Variants in PSMD6 observed in about 807,000 individuals in gnomAD.
The protein encoded by PSMD6 is proteasome 26S subunit, non-ATPase 6, also known as 26S proteasome non-ATPase regulatory subunit 6.
Under a neutral mutation model 44.9 loss-of-function variants are expected in PSMD6, and 7 were observed. The ratio of observed to expected loss-of-function variants is 0.16; its 90% CI spans 0.09 to 0.29. PSMD6 has a LOEUF of 0.29. Among genes scored for constraint, PSMD6 ranks in the 10% least tolerant of loss-of-function variants. PSMD6 has a pLI of 1.00. For missense variants in PSMD6, 420 were observed against 482.6 expected (o/e 0.87, Z 1.21); for synonymous variants, 184 against 172.7 (o/e 1.07, Z -0.51).
intron 2 of PSMD6, among the ~76,000 whole-genome samples, chr3:64,021,680 G>A (rs966136527): frequency 3.3e-5 from 5 of 152,042 alleles, no homozygotes; most frequent in East Asian, 3.9e-4. Flanking sequence ...GTGTGGTGGC[G>A]CACGCCTGTA....
At chr3:64,023,027 G>A in intron 1 of PSMD6, 1 of 1,424,850 alleles carries the variant, frequency 7.0e-7, no homozygotes, top group Non-Finnish European at 9.1e-7. Flanking sequence ...AATGCCTCAC[G>A]ATTCTCCCCC....
At chr3:64,019,223 C>T in intron 3 of PSMD6, 73 bp downstream of exon 3, 1 of 1,494,118 alleles carries the variant, frequency 6.7e-7, no homozygotes, top group Non-Finnish European at 9.2e-7. Context: ...ACAAAACAGG[C>T]AGTTTCTTAT....
intron 2 of PSMD6, 108 bp downstream of exon 2, chr3:64,022,210 T>C: frequency 1.6e-6 from 2 of 1,242,306 alleles, no homozygotes; most frequent in Non-Finnish European, 2.3e-6. Flanking sequence ...ATTACCTTTA[T>C]ACTTTTTCTA....
chr3:64,012,598 A>G (rs1576024610), intron 6 of PSMD6: 1 of 152,188 alleles, frequency 6.6e-6, no homozygotes, highest in African/African-American at 2.4e-5. Flanking sequence ...ACAAATCATT[A>G]CCTACCTAAC....
At chr3:64,017,978 G>C (rs577824795) in intron 5 of PSMD6, among the ~76,000 whole-genome samples, 36 of 152,226 alleles carry the variant, frequency 2.4e-4, no homozygotes, top group African/African-American at 8.4e-4. Context: ...GGGACAAGAG[G>C]GAGAAACAAG....
At chr3:64,011,492 CTT>C (rs1463582907) in intron 6 of PSMD6, 1 of 148,404 alleles carries the variant, frequency 6.7e-6, no homozygotes, top group African/African-American at 2.6e-5. Flanking sequence ...TAAAATGTAA[CTT>C]TTTAAGGGAG....
chr3:64,018,327 G>T, intron 5 of PSMD6: 1 of 251,276 alleles, frequency 4.0e-6, no homozygotes, highest in Non-Finnish European at 7.8e-6. Flanking sequence ...TTTAGGCTTT[G>T]CAAGCTACAT....
chr3:64,019,664 C>A, intron 2 of PSMD6: 1 of 445,202 alleles, frequency 2.2e-6, no homozygotes, highest in Non-Finnish European at 3.9e-6. Flanking sequence ...ATAAGAAATG[C>A]CCAAGCATAT....
At chr3:64,011,018 G>T (rs994659030) in intron 6 of PSMD6, 63 bp from the exon 7 acceptor site, 4 of 1,335,188 alleles carry the variant, frequency 3.0e-6, no homozygotes, top group Non-Finnish European at 4.2e-6. Flanking sequence ...AAATGCAAAC[G>T]GCATTAAAAT....
At chr3:64,017,795 A>G (rs574377634) in intron 5 of PSMD6, 2 of 152,248 alleles carry the variant, frequency 1.3e-5, no homozygotes, top group Non-Finnish European at 2.9e-5. Flanking sequence ...CTTTTCTCCA[A>G]AGCTATCTAT....
chr3:64,018,469 C>A, intron 5 of PSMD6, 130 bp downstream of exon 5: 1 of 669,862 alleles, frequency 1.5e-6, no homozygotes, highest in Non-Finnish European at 2.5e-6. Flanking sequence ...ATTAGGAATA[C>A]TGATCAAAGA....
chr3:64,013,740 T>C (rs1489000195), intron 5 of PSMD6, 133 bp from the exon 6 acceptor site: 15 of 760,598 alleles, frequency 2.0e-5, no homozygotes, highest in Non-Finnish European at 2.9e-5. Flanking sequence ...CCCTTCCACA[T>C]CATGTCATCA....
At chr3:64,011,724 T>TGTCATCAA (rs2075957517) in intron 6 of PSMD6, 1 of 152,186 alleles carries the variant, frequency 6.6e-6, no homozygotes, top group South Asian at 2.1e-4. Flanking sequence ...TGCATTCACT[T>TGTCATCAA]GTCATCAAGA....
upstream of PSMD6, chr3:64,023,568 T>C: frequency 7.1e-7 from 1 of 1,416,000 alleles, no homozygotes; most frequent in South Asian, 1.6e-5. Flanking sequence ...GCTGGACACC[T>C]CCGGGAACGC....
At chr3:64,019,760 T>G in intron 2 of PSMD6, 1 of 233,796 alleles carries the variant, frequency 4.3e-6, no homozygotes. Context: ...ATGTTTTCTC[T>G]CATAATCACA....
intron 1 of PSMD6, 190 bp downstream of exon 1, chr3:64,023,085 T>C: frequency 2.1e-6 from 3 of 1,426,760 alleles, no homozygotes; most frequent in Non-Finnish European, 2.7e-6. Flanking sequence ...CAGACCCCGC[T>C]GAGGCAAGTC....
upstream of PSMD6, chr3:64,023,851 T>G: frequency 6.8e-7 from 1 of 1,463,570 alleles, no homozygotes; most frequent in Non-Finnish European, 9.2e-7. Context: ...TAAAATCATC[T>G]TCATGCTGCG....
At chr3:64,011,151 TCCTAGAAGTTCATATTCAGATA>T in intron 6 of PSMD6, 196 bp from the exon 7 acceptor site, 1 of 465,432 alleles carries the variant, frequency 2.1e-6, no homozygotes. Flanking sequence ...ATAAACATGA[TCCTAGAAGTTCATATTCAGATA>T]GATAGAAAGT....
At chr3:64,019,153 T>C in intron 3 of PSMD6, 116 bp from the exon 4 acceptor site, 1 of 1,371,408 alleles carries the variant, frequency 7.3e-7, no homozygotes, top group Non-Finnish European at 1.0e-6. Flanking sequence ...CGAAAGGAGA[T>C]ATTTAAATTA....
Sources: gnomAD v4.1 joint callset for allele counts (sites outside exome capture counted in the v4.1 genomes callset) on GRCh38, gnomAD v4.1.1 for gene constraint, MANE v1.5 for transcripts, NCBI Gene and HGNC (gene_info 2026-07-23, HGNC 2026-07-21) for gene names.